LIN54: variants seen among roughly 807,000 people sequenced by gnomAD.
LIN54 encodes the protein protein lin-54 homolog.
LIN54 carries 9 observed loss-of-function variants against 78.7 expected under a neutral mutation model. That is an observed-to-expected ratio of 0.11 (90% CI 0.07 to 0.20). The LOEUF is 0.20. LIN54 is among the 10% of genes least tolerant of loss of function. The pLI is 1.00. For synonymous variants in LIN54, 269 were observed against 318.4 expected (o/e 0.84, Z 1.65); for missense variants, 573 against 889.9 (o/e 0.64, Z 4.53).
At chr4:82,934,416 T>TAAC (rs774258939) in intron 11 of LIN54, among the ~76,000 whole-genome samples, 148 of 151,970 alleles carry the variant, frequency 9.7e-4, no homozygotes, top group Middle Eastern at 3.4e-3. Context: ...AAAAACAAAA[T>TAAC]AACAACAACA....
intron 1 of LIN54, among the ~76,000 whole-genome samples, chr4:82,999,420 C>A (rs141777235): frequency 1.3e-5 from 2 of 152,092 alleles, no homozygotes; most frequent in Non-Finnish European, 2.9e-5. Context: ...CCAGCAGATA[C>A]GAAAACCTTG....
At chr4:83,009,609 T>A (rs904881585) in intron 1 of LIN54, among the ~76,000 whole-genome samples, 4 of 152,194 alleles carry the variant, frequency 2.6e-5, no homozygotes, top group African/African-American at 9.7e-5. Context: ...AATAAAACAG[T>A]GGCTGTTATA....
At chr4:83,010,846 C>G, upstream of LIN54, 7 of 1,224,380 alleles carry the variant, frequency 5.7e-6, no homozygotes, top group South Asian at 8.3e-5. Flanking sequence ...CCTCCTCCTC[C>G]CCTCCCCGCC....
rs562202409 is a variant in LIN54, at chr4:83,005,743, A to C, written c.-33+4741T>G. On this transcript the variant is annotated intron_variant, in intron 1 of 12. Transcript: ENST00000340417. Reference sequence around the variant, plus strand: ...TAGAAAGCATCTTAGTGATTTCTAAAAGAATTTGACCATTTGACCCAGCAA... The same window carrying C: ...TAGAAAGCATCTTAGTGATTTCTAACAGAATTTGACCATTTGACCCAGCAA... Among the ~76,000 whole-genome samples, 5 of 152,338 alleles carry C rather than the reference A, an allele frequency of 3.3e-5. No individual in the cohort carries two copies. The East Asian group carries it at 9.6e-4, about 29-fold the overall frequency.
intron 5 of LIN54, among the ~76,000 whole-genome samples, chr4:82,945,204 ATTC>A (rs1490175565): frequency 6.6e-6 from 1 of 152,210 alleles, no homozygotes; most frequent in Non-Finnish European, 1.5e-5. Context: ...CTAGTCTTTA[ATTC>A]TTCTATTTAC....
In LIN54 at chr4:82,941,806, G is replaced by A. The variant is rs1722921699; in HGVS notation, c.1169-1844C>T. Among the ~76,000 whole-genome samples the A allele has an allele frequency of 2.0e-5, 3 of 152,156 alleles. No individual in the cohort carries two copies. In the South Asian group the frequency reaches 6.2e-4, roughly 32 times the overall value. ...AGAGCTTTCAAGTGACCAGGAAAAT[G>A]ACAGTTATTAGAACTAAAAACTCAA... On this transcript the variant is annotated intron_variant, in intron 5 of 12. Transcript: ENST00000340417.
intron 4 of LIN54, among the ~76,000 whole-genome samples, chr4:82,947,235 A>ATATATATATTTTTTTTT: frequency 2.0e-4 from 9 of 44,290 alleles, no homozygotes; most frequent in Non-Finnish European, 2.2e-4. Context: ...ATATATATAT[A>ATATATATATTTTTTTTT]TTTTTTTTTT....
Position 82,930,929 on chromosome 4 carries a change from A to G in LIN54, c.2048+14T>C, listed in dbSNP as rs149890899. The G allele has an allele frequency of 1.9e-6, 3 of 1,610,850 alleles. No individual in the cohort carries two copies. In the African/African-American group the frequency reaches 4.0e-5, roughly 21 times the overall value. On this transcript the variant is annotated intron_variant, in intron 12 of 12. Transcript: ENST00000340417. ...TTTGGGAAGTACTATAAAAAGATTA[A>G]AATACTGACTTACTTTCCGCCTCCA...
At chr4:82,959,582 A>C (rs1320453276) in intron 4 of LIN54, among the ~76,000 whole-genome samples, 1 of 152,176 alleles carries the variant, frequency 6.6e-6, no homozygotes, top group Non-Finnish European at 1.5e-5. Flanking sequence ...GGAGTTAACA[A>C]TACAATTACT....
chr4:82,952,444 T>C (rs1445511338), intron 4 of LIN54, among the ~76,000 whole-genome samples: 6 of 152,186 alleles, frequency 3.9e-5, no homozygotes, highest in Non-Finnish European at 5.9e-5. Flanking sequence ...TCCATAAGGA[T>C]GGCTACTGTC....
At chr4:82,955,370 ATAACATAAC>A (rs1372349605) in intron 4 of LIN54, among the ~76,000 whole-genome samples, 250 of 22,090 alleles carry the variant, frequency 0.011, no homozygotes, top group African/African-American at 0.037. Context: ...TCTCAAAAAA[ATAACATAAC>A]ATAACATAAC....
chr4:82,994,020 T>C (rs973368781), intron 1 of LIN54, among the ~76,000 whole-genome samples: 2 of 152,154 alleles, frequency 1.3e-5, no homozygotes, highest in African/African-American at 4.8e-5. Flanking sequence ...ACAAAAAGTC[T>C]GTCAACTCCT....
intron 2 of LIN54, among the ~76,000 whole-genome samples, chr4:82,979,502 G>A (rs759511790): frequency 2.0e-5 from 3 of 152,114 alleles, no homozygotes; most frequent in Non-Finnish European, 2.9e-5. Flanking sequence ...CTAAATATCA[G>A]GAGTAGATTA....
chr4:82,957,410 G>A (rs1048532827), intron 4 of LIN54, among the ~76,000 whole-genome samples: 9 of 101,564 alleles, frequency 8.9e-5, no homozygotes, highest in Non-Finnish European at 1.8e-4. Context: ...TAAATCTCTT[G>A]TCTCAGAAAC....
At chr4:82,932,746 A>G (rs1050070497) in intron 11 of LIN54, among the ~76,000 whole-genome samples, 1 of 151,552 alleles carries the variant, frequency 6.6e-6, no homozygotes, top group African/African-American at 2.4e-5. Flanking sequence ...AATCGCTTGA[A>G]CCCGGGAGGC....
chr4:82,998,703 C>T (rs746996673), intron 1 of LIN54, among the ~76,000 whole-genome samples: 13 of 151,912 alleles, frequency 8.6e-5, no homozygotes, highest in Admixed American at 5.2e-4. Flanking sequence ...TCCACTTACA[C>T]GCATTTTTTT....
At position 82,992,690 on chromosome 4, in the gene LIN54, G is replaced by A. The variant is rs1323860536; in HGVS notation, c.-32-7814C>T. On this transcript the variant is annotated intron_variant, in intron 1 of 12. Coordinates refer to ENST00000340417, the MANE Select transcript of LIN54 (RefSeq NM_194282.4). ...CTGCCTCAGCCCCGCAAGTAGCTGGGACTAGAGGCATGCACCACGATGCCT... is the reference window on the plus strand; with the variant it reads ...CTGCCTCAGCCCCGCAAGTAGCTGGAACTAGAGGCATGCACCACGATGCCT... 2.0e-5 allele frequency among the ~76,000 whole-genome samples: 3 copies of A among 152,070 alleles called. No individual in the cohort carries two copies. In the East Asian group the frequency reaches 5.8e-4, roughly 29 times the overall value.
upstream of LIN54, among the ~76,000 whole-genome samples, chr4:83,012,484 G>A (rs912709372): frequency 5.9e-5 from 9 of 152,150 alleles, no homozygotes; most frequent in Admixed American, 3.3e-4. Flanking sequence ...AGCCGCAGGA[G>A]CCCTTACTCC....
rs1728369971 is a variant in LIN54, at chr4:82,998,006, AT to A, written c.-33+12477del. Reference sequence around the variant, plus strand: ...TGAAACTCCATCTCAAAAAAAAAAAATAATAATATATATATAATAATATATA... The same window carrying A: ...TGAAACTCCATCTCAAAAAAAAAAAAAATAATATATATATAATAATATATA... On this transcript the variant is annotated intron_variant, in intron 1 of 12. Coordinates refer to ENST00000340417, the MANE Select transcript of LIN54 (RefSeq NM_194282.4). 7.7e-5 allele frequency among the ~76,000 whole-genome samples: 5 copies of A among 64,916 alleles called. 1 individual carries two copies. The highest frequency in any genetic ancestry group is 2.9e-4 in the African/African-American group (3 of 10,342). 42.6% of individuals were successfully genotyped at this position (64,916 alleles called of 152,430 possible). A position where few individuals can be genotyped will look rare whatever the true frequency, so the allele number is the denominator to read the frequency against.
Sources: gnomAD v4.1 joint callset for allele counts (sites outside exome capture counted in the v4.1 genomes callset) on GRCh38, gnomAD v4.1.1 for gene constraint, MANE v1.5 for transcripts, NCBI Gene and HGNC (gene_info 2026-07-23, HGNC 2026-07-21) for gene names.